Variants in EXOSC7 observed in about 807,000 individuals in gnomAD.
EXOSC7 encodes the protein exosome component 7.
Under a neutral mutation model 34.3 loss-of-function variants are expected in EXOSC7, and 25 were observed. The observed-to-expected ratio is 0.73, with a 90% CI of 0.53 to 1.02. EXOSC7 has a LOEUF of 1.02. EXOSC7 is among the 50% of genes least tolerant of loss of function. The probability of loss-of-function intolerance (pLI) is 0.00; values close to 1 mark genes in which losing one functional copy is unlikely to be tolerated. For synonymous variants in EXOSC7, 130 were observed against 143.0 expected, an observed-to-expected ratio of 0.91 and a Z score of 0.65; for missense variants, 370 against 368.5, an observed-to-expected ratio of 1.00 and a Z score of -0.03.
intron 7 of EXOSC7, among the ~76,000 whole-genome samples, chr3:45,008,864 A>G (rs181465008): frequency 1.4e-4 from 22 of 152,394 alleles, no homozygotes; most frequent in African/African-American, 4.1e-4. Flanking sequence ...CAACAAGCAC[A>G]GTAAACAAAT....
In EXOSC7 at chr3:44,997,137, G is replaced by C. The variant is rs1375269134; in HGVS notation, c.305G>C (p.Gly102Ala). 1.2e-6 allele frequency: 2 copies of C among 1,612,348 alleles called. No individual in the cohort carries two copies. Among genetic ancestry groups the C allele is most frequent in the East Asian group, 2.2e-5 (1 of 44,806 alleles). Residue 102 changes from glycine to alanine, a missense_variant, in exon 4 of 8, where the codon GGC becomes GCC. Coordinates refer to ENST00000265564, the MANE Select transcript of EXOSC7 (RefSeq NM_015004.4). ...GAAGGTAGAGGAGGTGATGACCTTGGCACCGAGATCGCTAACACCCTCTAT... is the reference window on the plus strand; with the variant it reads ...GAAGGTAGAGGAGGTGATGACCTTGCCACCGAGATCGCTAACACCCTCTAT... ...EFEGRGGDDL[G>A]TEIANTLYRI...
At chr3:45,000,629 A>G (rs112391112) in intron 4 of EXOSC7, among the ~76,000 whole-genome samples, 169 of 152,358 alleles carry the variant, frequency 1.1e-3, no homozygotes, top group African/African-American at 3.9e-3. Flanking sequence ...AGTCTTCATT[A>G]TAAGTAATGT....
In EXOSC7 at chr3:44,989,477, C is replaced by T. The variant is rs1706512210; in HGVS notation, c.160-73C>T. ...AAAGAGTCCCCCAGGGGTGTATGTC[C>T]AGAAGAGGAGGGAGGTGGTGGAGTA... On this transcript the variant is annotated intron_variant, in intron 2 of 7. Transcript: ENST00000265564. 4.3e-5 allele frequency: 53 copies of T among 1,245,646 alleles called. No homozygotes were observed. In the South Asian group the frequency reaches 6.3e-4, roughly 15 times the overall value. The allele number at this position is 1,245,646 out of a possible 1,614,324, so 77.2% of individuals were successfully genotyped here. A position where few individuals can be genotyped will look rare whatever the true frequency, so the allele number is the denominator to read the frequency against.
intron 1 of EXOSC7, among the ~76,000 whole-genome samples, chr3:44,981,808 T>C (rs1479060663): frequency 6.6e-6 from 1 of 152,130 alleles, no homozygotes; most frequent in Non-Finnish European, 1.5e-5. Flanking sequence ...CTTGGGAGGC[T>C]GAGGCCAGAG....
rs567495078 is a variant in EXOSC7, at chr3:44,997,215, C to T, written c.383C>T (p.Pro128Leu). Residue 128 changes from proline (P) to leucine (L), a missense_variant, in exon 4 of 8, where the codon CCT becomes CTT. Pro to Leu is a moderately conservative substitution (Grantham distance 98). This residue lies in a region of EXOSC7 where 255 missense variants were observed against 246.4 expected (regional missense o/e 1.03). Transcript: ENST00000265564. ...SVDLKTLCIS[P>L]REHCWVLYVD... ...GACTTAAAGACCCTCTGCATTAGTCCTCGGGAGCACTGCTGGGTTCTCTAT... is the reference window on the plus strand; with the variant it reads ...GACTTAAAGACCCTCTGCATTAGTCTTCGGGAGCACTGCTGGGTTCTCTAT... 1 of 1,613,784 alleles carries T rather than the reference C, an allele frequency of 6.2e-7. No individual in the cohort carries two copies. Among genetic ancestry groups the T allele is most frequent in the Non-Finnish European group, 8.5e-7 (1 of 1,179,950 alleles).
At chr3:44,997,379 G>A in intron 4 of EXOSC7, 127 bp downstream of exon 4, 1 of 713,690 alleles carries the variant, frequency 1.4e-6, no homozygotes, top group Non-Finnish European at 2.2e-6. Context: ...GGATTAGTTG[G>A]GAAAAGATGG....
intron 6 of EXOSC7, 88 bp from the exon 7 acceptor site, chr3:45,007,332 G>C (rs1443516164): frequency 1.4e-6 from 2 of 1,407,818 alleles, no homozygotes; most frequent in Admixed American, 4.0e-5. Flanking sequence ...ACTTTTGCCT[G>C]GTGTAGAGAT....
chr3:44,981,706 C>T (rs191892932), intron 1 of EXOSC7, among the ~76,000 whole-genome samples: 1 of 151,956 alleles, frequency 6.6e-6, no homozygotes, highest in East Asian at 1.9e-4. Flanking sequence ...TCACCAGAGG[C>T]CAGGAGTTGG....
chr3:44,994,667 G>T (rs1706666851), intron 3 of EXOSC7, among the ~76,000 whole-genome samples: 1 of 152,116 alleles, frequency 6.6e-6, no homozygotes, highest in African/African-American at 2.4e-5. Context: ...TATGGGGTCT[G>T]TGGCTTTCTT....
At chr3:44,989,359 C>T (rs1015349135) in intron 2 of EXOSC7, 118 bp downstream of exon 2, 19 of 903,904 alleles carry the variant, frequency 2.1e-5, no homozygotes, top group Admixed American at 1.4e-4. Flanking sequence ...ATCGAAGATC[C>T]GAGCCAAACT....
chr3:44,987,596 G>C (rs537395050), intron 1 of EXOSC7, among the ~76,000 whole-genome samples: 1 of 152,198 alleles, frequency 6.6e-6, no homozygotes, highest in African/African-American at 2.4e-5. Flanking sequence ...ATGAGCCTGT[G>C]TTACAAGTGA....
chr3:45,009,750 G>T (rs1349290873), intron 7 of EXOSC7, among the ~76,000 whole-genome samples: 5 of 152,074 alleles, frequency 3.3e-5, no homozygotes, highest in Admixed American at 3.3e-4. Flanking sequence ...GTTTCAGTAT[G>T]TTTGCCAGGC....
intron 1 of EXOSC7, among the ~76,000 whole-genome samples, chr3:44,979,980 G>A (rs1706232184): frequency 6.6e-6 from 1 of 151,814 alleles, no homozygotes. Context: ...GAGATGTTGA[G>A]GAGCCCCAAG....
chr3:44,988,863 T>C (rs1706491070), intron 1 of EXOSC7, among the ~76,000 whole-genome samples: 1 of 152,184 alleles, frequency 6.6e-6, no homozygotes, highest in African/African-American at 2.4e-5. Flanking sequence ...TGGTATGTAG[T>C]ATAGATTTTG....
intron 1 of EXOSC7, chr3:44,977,174 G>A (rs2125957742): frequency 6.6e-6 from 1 of 152,386 alleles, no homozygotes; most frequent in East Asian, 1.9e-4. Context: ...TCCAGAACGA[G>A]GGTTGAAAAA....
chr3:44,986,620 A>G (rs2372861), intron 1 of EXOSC7, among the ~76,000 whole-genome samples: 91,497 of 152,162 alleles, frequency 0.6, 28,299 homozygotes, highest in East Asian at 0.89. Context: ...TGCCGAGAGC[A>G]AGCGAGGGCT....
intron 5 of EXOSC7, among the ~76,000 whole-genome samples, chr3:45,003,733 A>G (rs939730814): frequency 6.6e-6 from 1 of 152,200 alleles, no homozygotes; most frequent in African/African-American, 2.4e-5. Flanking sequence ...GCACCCCAGA[A>G]GCATCCCACA....
intron 3 of EXOSC7, among the ~76,000 whole-genome samples, chr3:44,994,647 A>G (rs1706666067): frequency 6.6e-6 from 1 of 152,156 alleles, no homozygotes; most frequent in Non-Finnish European, 1.5e-5. Context: ...GTCTTCACAC[A>G]TCAGCAGAAT....
At chr3:44,978,348 C>G (rs1706180336) in intron 1 of EXOSC7, among the ~76,000 whole-genome samples, 1 of 152,160 alleles carries the variant, frequency 6.6e-6, no homozygotes. Context: ...TTGTAATGCT[C>G]TGAAGGCTTC....
Sources: gnomAD v4.1 joint callset for allele counts (sites outside exome capture counted in the v4.1 genomes callset) on GRCh38, gnomAD v4.1.1 for gene constraint, gnomAD v4.1.1 regional missense constraint, MANE v1.5 for transcripts, NCBI Gene and HGNC (gene_info 2026-07-23, HGNC 2026-07-21) for gene names.